Variants in SORCS2 observed in about 807,000 individuals in gnomAD.
SORCS2 encodes VPS10 domain-containing receptor SorCS2.
Under a neutral mutation model 141.6 loss-of-function variants are expected in SORCS2, and 100 were observed. That is an observed-to-expected ratio of 0.71 (90% CI 0.60 to 0.83). The LOEUF is 0.83. Among genes scored for constraint, SORCS2 ranks in the 40% least tolerant of loss-of-function variants. The pLI is 0.00. For missense variants in SORCS2, 1,646 were observed against 1,560.2 expected (o/e 1.05, Z -0.93); for synonymous variants, 789 against 676.9 (o/e 1.17, Z -2.57).
chr4:7,599,392 C>G (rs1054707643), intron 3 of SORCS2, among the ~76,000 whole-genome samples: 1 of 152,186 alleles, frequency 6.6e-6, no homozygotes, highest in Non-Finnish European at 1.5e-5. Flanking sequence ...CACCGTCCCC[C>G]GCCAAGCCCG....
intron 1 of SORCS2, among the ~76,000 whole-genome samples, chr4:7,284,093 A>G (rs545266354): frequency 1.3e-5 from 2 of 152,282 alleles, no homozygotes; most frequent in East Asian, 3.9e-4. Context: ...ATCAGCTTGC[A>G]GGATTGCGCC....
intron 2 of SORCS2, among the ~76,000 whole-genome samples, chr4:7,446,588 C>T (rs1330882456): frequency 6.6e-6 from 1 of 152,156 alleles, no homozygotes; most frequent in Non-Finnish European, 1.5e-5. Flanking sequence ...GAGCCTGCTC[C>T]TTTGTCCCCA....
chr4:7,561,725 A>G (rs561228650), intron 3 of SORCS2, among the ~76,000 whole-genome samples: 1 of 151,828 alleles, frequency 6.6e-6, no homozygotes, highest in Non-Finnish European at 1.5e-5. Context: ...CCATCCATCT[A>G]TCCATCCATC....
chr4:7,741,935 T>C lies in SORCS2; in HGVS notation c.*1671T>C, dbSNP rs1336926853. The C allele has an allele frequency of 6.6e-6, 1 of 152,198 alleles. No individual in the cohort carries two copies. The highest frequency in any genetic ancestry group is 2.4e-5 in the African/African-American group (1 of 41,416). 9.4% of individuals were successfully genotyped at this position (152,198 alleles called of 1,614,324 possible). A position where few individuals can be genotyped will look rare whatever the true frequency, so the allele number is the denominator to read the frequency against. ...GCTCCTTGTTGAGTAAAACCACCCA[T>C]GGAGACTGGAACCTCATCTCCCTGG... On this transcript the variant is annotated 3_prime_UTR_variant, in exon 27 of 27. Transcript: ENST00000507866.
intron 4 of SORCS2, among the ~76,000 whole-genome samples, chr4:7,646,710 G>A (rs1024421879): frequency 6.6e-6 from 1 of 152,210 alleles, no homozygotes; most frequent in Non-Finnish European, 1.5e-5. Flanking sequence ...TTTGCAAGCC[G>A]AGGAGGGAGA....
intron 2 of SORCS2, among the ~76,000 whole-genome samples, chr4:7,518,006 T>C (rs1039043812): frequency 6.6e-6 from 1 of 152,142 alleles, no homozygotes; most frequent in Admixed American, 6.5e-5. Context: ...TGTGATAAAA[T>C]CAGAACACAG....
chr4:7,455,539 GC>G (rs1728843284), intron 2 of SORCS2, among the ~76,000 whole-genome samples: 1 of 144,532 alleles, frequency 6.9e-6, no homozygotes. Flanking sequence ...TTAGTGTCAT[GC>G]GCCACGTTAG....
chr4:7,623,647 G>A (rs1296304390), intron 3 of SORCS2, among the ~76,000 whole-genome samples: 3 of 151,968 alleles, frequency 2.0e-5, no homozygotes, highest in East Asian at 1.9e-4. Flanking sequence ...CGGCGTCCTC[G>A]TTCCCTTCCT....
intron 2 of SORCS2, among the ~76,000 whole-genome samples, chr4:7,408,141 T>C (rs958378731): frequency 4.6e-5 from 7 of 152,192 alleles, no homozygotes; most frequent in Non-Finnish European, 1.0e-4. Flanking sequence ...ATTCTGGGTT[T>C]GTCCATGTCC....
intron 3 of SORCS2, among the ~76,000 whole-genome samples, chr4:7,552,561 C>T (rs1713794329): frequency 1.3e-5 from 2 of 152,206 alleles, no homozygotes; most frequent in South Asian, 2.1e-4. Flanking sequence ...GAGACCATGC[C>T]AGCAGCTGAG....
At chr4:7,627,508 ATC>A (rs1390360989) in intron 3 of SORCS2, among the ~76,000 whole-genome samples, 2 of 152,088 alleles carry the variant, frequency 1.3e-5, no homozygotes, top group African/African-American at 4.8e-5. Context: ...AGTTGAGAAA[ATC>A]TCTTTTAGGA....
chr4:7,317,991 C>T (rs910778287), intron 1 of SORCS2, among the ~76,000 whole-genome samples: 4 of 152,214 alleles, frequency 2.6e-5, no homozygotes, highest in African/African-American at 9.6e-5. Context: ...GAGGCAGGAA[C>T]CACGAGCACG....
intron 3 of SORCS2, among the ~76,000 whole-genome samples, chr4:7,559,976 C>T (rs1249557443): frequency 1.3e-5 from 2 of 152,160 alleles, no homozygotes; most frequent in African/African-American, 4.8e-5. Context: ...GGGACCTACC[C>T]GAACCACTGT....
At chr4:7,545,670 CG>C (rs984891469) in intron 3 of SORCS2, among the ~76,000 whole-genome samples, 12 of 152,160 alleles carry the variant, frequency 7.9e-5, no homozygotes, top group African/African-American at 2.7e-4. Flanking sequence ...AGACCCACCC[CG>C]CTGCATCAGC....
At chr4:7,681,151 A>G (rs1723501345) in intron 9 of SORCS2, among the ~76,000 whole-genome samples, 1 of 152,212 alleles carries the variant, frequency 6.6e-6, no homozygotes, top group South Asian at 2.1e-4. Flanking sequence ...CTTGGGGGTC[A>G]GGGGAGGGAC....
At chr4:7,557,032 C>A (rs1423433531) in intron 3 of SORCS2, among the ~76,000 whole-genome samples, 1 of 152,024 alleles carries the variant, frequency 6.6e-6, no homozygotes, top group South Asian at 2.1e-4. Flanking sequence ...CTCATCCATC[C>A]ATCCCTTTAC....
intron 3 of SORCS2, among the ~76,000 whole-genome samples, chr4:7,595,289 G>A (rs1577809900): frequency 6.6e-6 from 1 of 152,118 alleles, no homozygotes; most frequent in South Asian, 2.1e-4. Context: ...TGCCACCCTC[G>A]AAGCACATCT....
chr4:7,373,388 A>C (rs73079985), intron 1 of SORCS2, among the ~76,000 whole-genome samples: 15,310 of 144,568 alleles, frequency 0.11, 1,360 homozygotes, highest in East Asian at 0.54. Flanking sequence ...TTGGTAAAGC[A>C]AATATTCAAA....
Position 7,434,726 on chromosome 4 carries a change from C to T in SORCS2, c.548+38371C>T, listed in dbSNP as rs1271982930. 2 of 1,613,126 alleles carry T rather than the reference C, an allele frequency of 1.2e-6. No homozygotes were observed. Among genetic ancestry groups the T allele is most frequent in the South Asian group, 1.1e-5 (1 of 90,870 alleles). ...TTCGCGGTGGGTTTGTTCCATACGGCCCCTTGGCAGTACCCCACAGCCCCG... is the reference window on the plus strand; with the variant it reads ...TTCGCGGTGGGTTTGTTCCATACGGTCCCTTGGCAGTACCCCACAGCCCCG... On this transcript the variant is annotated intron_variant, in intron 2 of 26. Coordinates refer to ENST00000507866, the MANE Select transcript of SORCS2 (RefSeq NM_020777.3).
Sources: allele counts gnomAD v4.1 joint callset (sites outside exome capture counted in the v4.1 genomes callset), GRCh38; gene constraint gnomAD v4.1.1; transcripts MANE v1.5; gene names NCBI Gene and HGNC (gene_info 2026-07-23, HGNC 2026-07-21).